Variants in COL4A6 observed in about 807,000 individuals in gnomAD.
The protein encoded by COL4A6 is collagen type IV alpha 6 chain.
In COL4A6, 59 loss-of-function variants were observed where a neutral mutation model predicts 126.7. The observed-to-expected ratio is 0.47, with a 90% CI of 0.38 to 0.58. COL4A6 has a LOEUF of 0.58. Among genes scored for constraint, COL4A6 ranks in the 20% least tolerant of loss-of-function variants. The probability of loss-of-function intolerance (pLI) is 0.00; values close to 1 mark genes in which losing one functional copy is unlikely to be tolerated. For synonymous variants in COL4A6, 547 were observed against 496.6 expected (o/e 1.10, Z -1.35); for missense variants, 1,285 against 1,337.3 (o/e 0.96, Z 0.61).
At chrX:108,331,154 C>T (rs1470639163) in intron 2 of COL4A6, among the ~76,000 whole-genome samples, 1 of 111,781 alleles carries the variant, frequency 8.9e-6, no homozygotes, top group East Asian at 2.8e-4. Flanking sequence ...ACAGAGGTCT[C>T]TTCTAAATAT....
intron 3 of COL4A6, among the ~76,000 whole-genome samples, chrX:108,269,424 A>T (rs935020095): frequency 9.0e-6 from 1 of 111,370 alleles, no homozygotes; most frequent in Admixed American, 9.5e-5. Context: ...CACCTGAAAA[A>T]ATCTCACAGA....
chrX:108,187,206 G>A lies in COL4A6; in HGVS notation c.1841C>T (p.Pro614Leu). 8.4e-7 allele frequency: 1 copy of A among 1,194,481 alleles called. No homozygotes were observed. The highest frequency in any genetic ancestry group is 1.1e-6 in the Non-Finnish European group (1 of 884,851). Reference sequence around the variant, plus strand: ...TAACCCATTTCCTGGGAGGCCAGGTGGACCAGGATGGCCTTTTTCACCAGG... The same window carrying A: ...TAACCCATTTCCTGGGAGGCCAGGTAGACCAGGATGGCCTTTTTCACCAGG... ...GLPGEKGHPG[P>L]PGLPGNGLPG... The change falls in exon 23 of 45, where the codon CCA becomes CTA. Residue 614 changes from proline to leucine, a missense_variant. By Grantham distance (98) the Pro-to-Leu change is moderately conservative (BLOSUM62 -3). Transcript: ENST00000334504.
chrX:108,245,952 G>T (rs1303943135), intron 3 of COL4A6, among the ~76,000 whole-genome samples: 1 of 112,053 alleles, frequency 8.9e-6, no homozygotes, highest in Non-Finnish European at 1.9e-5. Flanking sequence ...GGAGATAAAT[G>T]TGTCAGAACC....
At chrX:108,177,212 C>T (rs1052775610) in intron 27 of COL4A6, among the ~76,000 whole-genome samples, 1 of 112,591 alleles carries the variant, frequency 8.9e-6, no homozygotes, top group African/African-American at 3.2e-5. Context: ...CAGAGTGCCA[C>T]GCCAATGGTT....
At chrX:108,206,913 A>T in intron 8 of COL4A6, 1 of 301,771 alleles carries the variant, frequency 3.3e-6, no homozygotes, top group Non-Finnish European at 6.1e-6. Flanking sequence ...ACTGGCATAA[A>T]GGAGAAAAAT....
At chrX:108,400,746 A>T (rs1385612388) in intron 2 of COL4A6, among the ~76,000 whole-genome samples, 2 of 111,659 alleles carry the variant, frequency 1.8e-5, no homozygotes, top group Non-Finnish European at 3.8e-5. Context: ...GCACAGATAA[A>T]AGATAGCCTT....
intron 3 of COL4A6, among the ~76,000 whole-genome samples, chrX:108,254,868 G>C (rs1055589066): frequency 1.8e-5 from 2 of 109,919 alleles, no homozygotes; most frequent in African/African-American, 6.6e-5. Context: ...GGAGGTATGG[G>C]AGTAGGTGAG....
chrX:108,396,818 C>G (rs1237200327), intron 2 of COL4A6, among the ~76,000 whole-genome samples: 3 of 111,573 alleles, frequency 2.7e-5, no homozygotes, highest in African/African-American at 9.8e-5. Context: ...CCTTTCTCTG[C>G]CTGTTCGATT....
At chrX:108,224,987 C>T (rs773793202) in intron 3 of COL4A6, among the ~76,000 whole-genome samples, 4 of 96,781 alleles carry the variant, frequency 4.1e-5, no homozygotes, top group South Asian at 9.9e-4. Context: ...ACAGAATGTT[C>T]GAGCAGGAAA....
intron 3 of COL4A6, among the ~76,000 whole-genome samples, chrX:108,278,505 T>A (rs1407100282): frequency 9.0e-6 from 1 of 110,875 alleles, no homozygotes; most frequent in Non-Finnish European, 1.9e-5. Context: ...AAAGACCAAA[T>A]CTATGTCTGA....
intron 3 of COL4A6, among the ~76,000 whole-genome samples, chrX:108,251,276 C>G (rs745669205): frequency 8.9e-6 from 1 of 111,854 alleles, no homozygotes; most frequent in East Asian, 2.9e-4. Context: ...ATATGTCAAT[C>G]AAACTGATTC....
intron 2 of COL4A6, among the ~76,000 whole-genome samples, chrX:108,381,077 C>T (rs2040550137): frequency 8.9e-6 from 1 of 111,750 alleles, no homozygotes; most frequent in Non-Finnish European, 1.9e-5. Flanking sequence ...CGTCACTGTC[C>T]CTTTAAAATA....
intron 2 of COL4A6, among the ~76,000 whole-genome samples, chrX:108,352,585 G>T: frequency 8.9e-6 from 1 of 112,261 alleles, no homozygotes; most frequent in Non-Finnish European, 1.9e-5. Context: ...AATATACAGA[G>T]GTGTCCCAGG....
At chrX:108,278,073 A>G (rs1179802820) in intron 3 of COL4A6, among the ~76,000 whole-genome samples, 57 of 112,194 alleles carry the variant, frequency 5.1e-4, no homozygotes, top group Non-Finnish European at 9.2e-4. Context: ...GAAACTCTAA[A>G]AAGCAGAGCG....
At chrX:108,404,542 T>A (rs1302094470) in intron 2 of COL4A6, among the ~76,000 whole-genome samples, 1 of 112,095 alleles carries the variant, frequency 8.9e-6, no homozygotes, top group African/African-American at 3.2e-5. Context: ...ACCTCATGTG[T>A]TATATGTGAT....
intron 3 of COL4A6, among the ~76,000 whole-genome samples, chrX:108,227,940 A>G (rs1421916058): frequency 8.9e-6 from 1 of 112,048 alleles, no homozygotes; most frequent in African/African-American, 3.2e-5. Flanking sequence ...TAGTTGCAAT[A>G]GAGTGCAATC....
rs2033747232 is a variant in COL4A6 at position 108,156,671 on chromosome X, C to G, written c.*329G>C. The G allele has an allele frequency of 3.5e-6, 1 of 288,789 alleles. No homozygotes were observed. Among genetic ancestry groups the G allele is most frequent in the Admixed American group, 5.8e-5 (1 of 17,261 alleles). The allele number at this position is 288,789 out of a possible 1,213,427, so 23.8% of individuals were successfully genotyped here. On this transcript the variant is annotated 3_prime_UTR_variant, in exon 45 of 45. Transcript: ENST00000334504. ...TAGCGATTAGGAAGAGCTTTCCGAT[C>G]AAGACGGTAAGGAGAAAGCTAGCAG...
At chrX:108,407,150 T>C (rs991825132) in intron 2 of COL4A6, among the ~76,000 whole-genome samples, 3 of 112,464 alleles carry the variant, frequency 2.7e-5, no homozygotes, top group African/African-American at 9.7e-5. Flanking sequence ...TTGTTATGAC[T>C]GCTAATGACT....
chrX:108,161,790 C>A, intron 41 of COL4A6, 55 bp from the exon 42 acceptor site: 5 of 823,261 alleles, frequency 6.1e-6, no homozygotes. Context: ...CCCCAGGCAC[C>A]TTCCCCAGGA....
Sources: gnomAD v4.1 joint callset for allele counts (sites outside exome capture counted in the v4.1 genomes callset) on GRCh38, gnomAD v4.1.1 for gene constraint, MANE v1.5 for transcripts, NCBI Gene and HGNC (gene_info 2026-07-23, HGNC 2026-07-21) for gene names.